COL20A1: variants seen among roughly 807,000 people sequenced by gnomAD.
The protein encoded by COL20A1 is collagen type XX alpha 1 chain, also known as collagen alpha-1(XX) chain.
In COL20A1, 164 loss-of-function variants were observed where a neutral mutation model predicts 152.9. That is an observed-to-expected ratio of 1.07 (90% CI 0.94 to 1.22). The LOEUF (loss-of-function observed/expected upper bound fraction) is 1.22. COL20A1 is among the 50% of genes most tolerant of loss of function. The pLI is 0.00. For synonymous variants in COL20A1, 864 were observed against 756.0 expected, an observed-to-expected ratio of 1.14 and a Z score of -2.34; for missense variants, 1,873 against 1,744.8, an observed-to-expected ratio of 1.07 and a Z score of -1.31.
At position 63,305,012 on chromosome 20, in the gene COL20A1, C is replaced by T. The variant is rs1210542735; in HGVS notation, c.194-405C>T. 6.6e-6 allele frequency among the ~76,000 whole-genome samples: 1 copy of T among 152,180 alleles called. No homozygotes were observed. The highest frequency in any genetic ancestry group is 1.5e-5 in the Non-Finnish European group (1 of 68,030). ...ACTTGCGGCTGGTCGGTCCGTGCAG[C>T]CCATAGGGTAGGAGCCTGTGGGAGT... is the stretch of plus-strand genomic sequence containing the variant. On this transcript the variant is annotated intron_variant, in intron 3 of 35. Coordinates refer to ENST00000358894, the MANE Select transcript of COL20A1 (RefSeq NM_020882.4). The surrounding 1 kb of genome is among the most constrained non-coding windows in gnomAD (Gnocchi z 4.9).
intron 3 of COL20A1, 126 bp downstream of exon 3, chr20:63,298,146 C>A (rs2067822650): frequency 3.2e-6 from 2 of 634,844 alleles, no homozygotes; most frequent in African/African-American, 1.8e-5. Flanking sequence ...GTCAGCACCT[C>A]TCTGGCCTTG....
Position 63,313,667 on chromosome 20 carries a change from G to A in COL20A1, c.2210-76G>A. Reference sequence around the variant, plus strand: ...TTACGCAGAGCAGGGTAGGGGCTGGGCAGCTGGTCCTCTGGCCACCGGGTG... The same window carrying A: ...TTACGCAGAGCAGGGTAGGGGCTGGACAGCTGGTCCTCTGGCCACCGGGTG... On this transcript the variant is annotated intron_variant, in intron 17 of 35. Coordinates refer to ENST00000358894, the MANE Select transcript of COL20A1 (RefSeq NM_020882.4). This position sits in a 1 kb window ranked among gnomAD's most constrained non-coding sequence, Gnocchi z 5.9. 1.4e-6 allele frequency: 2 copies of A among 1,392,064 alleles called. No individual in the cohort carries two copies. Among genetic ancestry groups the A allele is most frequent in the Non-Finnish European group, 9.6e-7 (1 of 1,044,264 alleles). 86.2% of individuals were successfully genotyped at this position (1,392,064 alleles called of 1,614,324 possible).
chr20:63,320,220 G>A lies in COL20A1; in HGVS notation c.3075+23G>A, dbSNP rs117137118. 964 of 1,599,934 alleles carry A rather than the reference G, an allele frequency of 6.0e-4. 5 individuals carry two copies. In the East Asian group the frequency reaches 0.021, roughly 34 times the overall value. On this transcript the variant is annotated intron_variant, in intron 24 of 35. Coordinates refer to ENST00000358894, the MANE Select transcript of COL20A1 (RefSeq NM_020882.4). ...GCGGTGAGTTGGGCCCTGCCCACCT[G>A]CTGGGCCACGCTGGTGGGGGCTGGC...
chr20:63,310,329 C>T, intron 10 of COL20A1, 52 bp from the exon 11 acceptor site: 3 of 1,594,460 alleles, frequency 1.9e-6, no homozygotes, highest in Admixed American at 3.4e-5. Flanking sequence ...GTCCTGCTCC[C>T]CATCCCCCGG....
At position 63,307,646 on chromosome 20, in the gene COL20A1, T is replaced by C; in HGVS notation, c.653T>C (p.Val218Ala). Residue 218 changes from valine (V) to alanine (A), a missense_variant and splice_region_variant, in exon 6 of 36, where the codon GTA becomes GCA. Transcript: ENST00000358894. ...PFEIGPDKVQ[V>A]GLTQYSGDAQ... ...GAAATCGGGCCGGATAAGGTCCAAG[T>C]AGGTGGGTGCTGGCCCGGCCCGCCT... 6.2e-7 allele frequency: 1 copy of C among 1,611,880 alleles called. No homozygotes were observed. The highest frequency in any genetic ancestry group is 1.1e-5 in the South Asian group (1 of 91,056).
In COL20A1 at chr20:63,310,367, C is replaced by T. The variant is rs367640813; in HGVS notation, c.1264-14C>T. ...CCCCCCTTCCTGGCTCCGTCCTTGC[C>T]CACTCTGTTCCAGGTGGTGGTGGAG... is the stretch of plus-strand genomic sequence containing the variant. On this transcript the variant is annotated splice_polypyrimidine_tract_variant and intron_variant, in intron 10 of 35. Transcript: ENST00000358894. 4.3e-6 allele frequency: 7 copies of T among 1,610,542 alleles called. No homozygotes were observed. The highest frequency in any genetic ancestry group is 2.2e-5 in the East Asian group (1 of 44,826).
chr20:63,329,971 G>A (rs917906225), intron 35 of COL20A1, among the ~76,000 whole-genome samples: 7 of 152,182 alleles, frequency 4.6e-5, no homozygotes, highest in Admixed American at 2.6e-4. Flanking sequence ...GCGTGCTGGG[G>A]CGGAGGAGGC....
Position 63,308,021 on chromosome 20 carries a change from C to T in COL20A1, c.706C>T (p.Leu236Phe), listed in dbSNP as rs1424553390. Reference sequence around the variant, plus strand: ...TCAGACTGAGTGGGACCTGAACTCCCTCAGCACCAAGGAACAGGTGCTGGC... The same window carrying T: ...TCAGACTGAGTGGGACCTGAACTCCTTCAGCACCAAGGAACAGGTGCTGGC... ...DAQTEWDLNS[L>F]STKEQVLAAV... The change falls in exon 7 of 36, where the codon CTC (leucine) becomes TTC (phenylalanine). Residue 236 changes from leucine to phenylalanine, a missense_variant. By Grantham distance (22) the Leu-to-Phe change is conservative (BLOSUM62 0). Transcript: ENST00000358894. 1 of 1,612,592 alleles carries T rather than the reference C, an allele frequency of 6.2e-7. No individual in the cohort carries two copies. The highest frequency in any genetic ancestry group is 1.1e-5 in the South Asian group (1 of 91,086).
Position 63,305,809 on chromosome 20 carries a change from G to A in COL20A1, c.338-72G>A. The A allele has an allele frequency of 1.4e-6, 2 of 1,472,410 alleles. No homozygotes were observed. The highest frequency in any genetic ancestry group is 1.9e-6 in the Non-Finnish European group (2 of 1,057,760). The allele number at this position is 1,472,410 out of a possible 1,614,324, so 91.2% of individuals were successfully genotyped here. A position where few individuals can be genotyped will look rare whatever the true frequency, so the allele number is the denominator to read the frequency against. On this transcript the variant is annotated intron_variant, in intron 4 of 35. Transcript: ENST00000358894. This position sits in a 1 kb window ranked among gnomAD's most constrained non-coding sequence, Gnocchi z 4.9. ...CACCCACAGATGCGCCCTTGAAGGG[G>A]TGTATGTGCAGCTGCCCCAGTGGAC...
At position 63,305,006 on chromosome 20, in the gene COL20A1, G is replaced by A. The variant is rs778663615; in HGVS notation, c.194-411G>A. Among the ~76,000 whole-genome samples the A allele has an allele frequency of 9.2e-5, 14 of 152,128 alleles. No homozygotes were observed. Among genetic ancestry groups the A allele is most frequent in the Non-Finnish European group, 1.8e-4 (12 of 68,010 alleles). On this transcript the variant is annotated intron_variant, in intron 3 of 35. Transcript: ENST00000358894. The surrounding 1 kb of genome is among the most constrained non-coding windows in gnomAD (Gnocchi z 4.9). ...GAAAATACTTGCGGCTGGTCGGTCC[G>A]TGCAGCCCATAGGGTAGGAGCCTGT...
intron 28 of COL20A1, 43 bp downstream of exon 28, chr20:63,325,537 T>A: frequency 7.1e-7 from 1 of 1,412,958 alleles, no homozygotes; most frequent in Non-Finnish European, 9.9e-7. Context: ...TTGGTGGGGG[T>A]GGGGGAAGGA....
Position 63,317,831 on chromosome 20 carries a change from C to T in COL20A1, c.2663+1140C>T, listed in dbSNP as rs1483133332. On this transcript the variant is annotated intron_variant, in intron 21 of 35. Transcript: ENST00000358894. The stretch of plus-strand genomic sequence containing the variant: ...TCTCTGGGCAGCAGGCTGCAGAGCC[C>T]TCTTCCTCCATGGCCTCAGGTGGTG... Among the ~76,000 whole-genome samples, 4 of 152,258 alleles carry T rather than the reference C, an allele frequency of 2.6e-5. No homozygotes were observed. The East Asian group carries it at 5.8e-4, about 22-fold the overall frequency.
In COL20A1 at chr20:63,295,176, A is replaced by C; in HGVS notation, c.69A>C (p.Arg23Ser). Residue 23 changes from arginine (R) to serine (S), a missense_variant, in exon 2 of 36, where the codon AGA becomes AGC. Transcript: ENST00000358894. ...TGTGGCTGGGCGCCACCCTGGGAAG[A>C]GAGCAAGTTCAAGGTAAGGACACTG... is the stretch of plus-strand genomic sequence containing the variant. ...LWLWLGATLGREQVQASGLLR... is the reference protein window; with the variant it reads ...LWLWLGATLGSEQVQASGLLR... 1 of 1,554,120 alleles carries C rather than the reference A, an allele frequency of 6.4e-7. No individual in the cohort carries two copies. The highest frequency in any genetic ancestry group is 8.7e-7 in the Non-Finnish European group (1 of 1,149,026).
At chr20:63,293,318 G>T (rs2067739394) in intron 1 of COL20A1, 43 bp downstream of exon 1, 1 of 152,282 alleles carries the variant, frequency 6.6e-6, no homozygotes, top group African/African-American at 2.4e-5. Context: ...TGGATAAGGG[G>T]CTGCCAGGAG....
Position 63,312,904 on chromosome 20 carries a change from G to A in COL20A1, c.2046G>A (p.Trp682Ter), listed in dbSNP as rs369459285. ...GCGTGCTTGTCTACCAGATCACGTG[G>A]ACGCCCCTGGGAGAGGGGAAGGCTC... Reference protein sequence around the residue: ...PSGVLVYQITWTPLGEGKAHE... With the variant: ...PSGVLVYQIT Residue 682 changes from tryptophan to a stop codon, truncating the protein, a stop_gained, in exon 16 of 36, where the codon TGG becomes TGA. Transcript: ENST00000358894. LOFTEE classifies it high-confidence loss of function. 8.3e-6 allele frequency: 13 copies of A among 1,557,522 alleles called. No homozygotes were observed. Among genetic ancestry groups the A allele is most frequent in the African/African-American group, 1.4e-5 (1 of 73,460 alleles).
In COL20A1 at chr20:63,310,033, G is replaced by A. The variant is rs1311573988; in HGVS notation, c.1263+118G>A. 3 of 971,252 alleles carry A rather than the reference G, an allele frequency of 3.1e-6. No individual in the cohort carries two copies. The Admixed American group carries it at 8.8e-5, about 28-fold the overall frequency. 60.2% of individuals were successfully genotyped at this position (971,252 alleles called of 1,614,324 possible). ...AATAACTGGGTCCAGGCTGAGAAGG[G>A]GGTGTCGAGGGGCTGACAGCCCAGG... On this transcript the variant is annotated intron_variant, in intron 10 of 35. Coordinates refer to ENST00000358894, the MANE Select transcript of COL20A1 (RefSeq NM_020882.4).
At chr20:63,315,471 A>AC (rs1555830974) in intron 20 of COL20A1, 32 bp downstream of exon 20, 3 of 1,546,300 alleles carry the variant, frequency 1.9e-6, no homozygotes, top group Non-Finnish European at 2.6e-6. Flanking sequence ...CTGCCTGCCC[A>AC]CCCACAGTCT....
In COL20A1 at chr20:63,310,542, G is replaced by A. The variant is rs569228953; in HGVS notation, c.1393+32G>A. ...GGGGCAGAGGCAGCGGCCAGGTTCT[G>A]GGTGGGAGGCCCCACTCACGGCTGT... is the stretch of plus-strand genomic sequence containing the variant. On this transcript the variant is annotated intron_variant, in intron 11 of 35. Transcript: ENST00000358894. The A allele has an allele frequency of 9.4e-5, 146 of 1,554,090 alleles. 5 individuals carry two copies. The South Asian group carries it at 1.6e-3, about 17-fold the overall frequency.
At chr20:63,318,371 C>T (rs1322442958) in intron 21 of COL20A1, among the ~76,000 whole-genome samples, 1 of 139,526 alleles carries the variant, frequency 7.2e-6, no homozygotes, top group African/African-American at 2.4e-5. Context: ...AGGCTACGGC[C>T]ATTGGGACCC....
Sources: allele counts gnomAD v4.1 joint callset (sites outside exome capture counted in the v4.1 genomes callset), GRCh38; gene constraint gnomAD v4.1.1; non-coding constraint Gnocchi (gnomAD v3.1); transcripts MANE v1.5; gene names NCBI Gene and HGNC (gene_info 2026-07-23, HGNC 2026-07-21).